LRRC4C: variants seen among roughly 807,000 people sequenced by gnomAD.
LRRC4C encodes the protein leucine rich repeat containing 4C, also known as leucine-rich repeat-containing protein 4C.
A neutral mutation model predicts 33.6 loss-of-function variants in LRRC4C; 5 were observed. The ratio of observed to expected loss-of-function variants is 0.15; its 90% CI spans 0.08 to 0.31. LRRC4C has a LOEUF of 0.31. LRRC4C is among the 10% of genes least tolerant of loss of function. The pLI, the probability that LRRC4C is intolerant of heterozygous loss-of-function variation, is 1.00. For missense variants in LRRC4C, 560 were observed against 796.7 expected, an observed-to-expected ratio of 0.70 and a Z score of 3.58; for synonymous variants, 329 against 302.0, an observed-to-expected ratio of 1.09 and a Z score of -0.93.
intron 3 of LRRC4C, among the ~76,000 whole-genome samples, chr11:40,455,939 C>T (rs762240079): frequency 2.0e-4 from 30 of 152,144 alleles, no homozygotes; most frequent in East Asian, 5.8e-4. Context: ...GATTGATACA[C>T]GGTAAATGTT....
intron 2 of LRRC4C, among the ~76,000 whole-genome samples, chr11:40,746,138 A>T (rs1948405813): frequency 6.6e-6 from 1 of 152,168 alleles, no homozygotes; most frequent in Admixed American, 6.5e-5. Context: ...CAACACAGGG[A>T]AAGGCTAAGC....
At chr11:40,309,663 G>A (rs1275769416) in intron 4 of LRRC4C, among the ~76,000 whole-genome samples, 1 of 151,818 alleles carries the variant, frequency 6.6e-6, no homozygotes, top group Non-Finnish European at 1.5e-5. Context: ...GCTTTACCAC[G>A]CCCAGCTAAT....
intron 3 of LRRC4C, among the ~76,000 whole-genome samples, chr11:40,346,955 A>G (rs1947163482): frequency 6.6e-6 from 1 of 152,226 alleles, no homozygotes; most frequent in Non-Finnish European, 1.5e-5. Flanking sequence ...TAAGGGTCCT[A>G]GGATCTGCAG....
At chr11:41,399,026 A>G (rs1953927771) in intron 1 of LRRC4C, among the ~76,000 whole-genome samples, 1 of 151,918 alleles carries the variant, frequency 6.6e-6, no homozygotes, top group Admixed American at 6.6e-5. Flanking sequence ...AGAAAATAAG[A>G]TTTACAATAC....
At chr11:40,506,525 A>G (rs1227356795) in intron 3 of LRRC4C, among the ~76,000 whole-genome samples, 1 of 152,104 alleles carries the variant, frequency 6.6e-6, no homozygotes, top group Non-Finnish European at 1.5e-5. Context: ...AATCTAAACT[A>G]TTTATCTATT....
At chr11:41,174,608 C>G (rs1457521208) in intron 1 of LRRC4C, among the ~76,000 whole-genome samples, 3 of 151,948 alleles carry the variant, frequency 2.0e-5, no homozygotes, top group Non-Finnish European at 2.9e-5. Flanking sequence ...AATTTTCTGT[C>G]ATCATGTATT....
At chr11:41,311,506 C>G (rs149263427) in intron 1 of LRRC4C, among the ~76,000 whole-genome samples, 1 of 152,130 alleles carries the variant, frequency 6.6e-6, no homozygotes, top group African/African-American at 2.4e-5. Flanking sequence ...CTAACTTCCT[C>G]TACTGTATTT....
intron 3 of LRRC4C, among the ~76,000 whole-genome samples, chr11:40,388,957 C>T (rs953969401): frequency 3.3e-5 from 5 of 152,036 alleles, no homozygotes; most frequent in African/African-American, 7.2e-5. Context: ...ATATTAGTCA[C>T]GTGTTCACTT....
chr11:40,421,393 G>A (rs1950518766), intron 3 of LRRC4C, among the ~76,000 whole-genome samples: 2 of 152,196 alleles, frequency 1.3e-5, no homozygotes, highest in South Asian at 2.1e-4. Context: ...ACAGCTGTCT[G>A]GTGGCCTTTG....
intron 4 of LRRC4C, among the ~76,000 whole-genome samples, chr11:40,274,390 A>T (rs74977038): frequency 0.042 from 6,264 of 148,508 alleles, 188 homozygotes; most frequent in Non-Finnish European, 0.057. Context: ...CTAGTATGAA[A>T]TTAAGTGCTT....
Position 41,256,009 on chromosome 11 carries a change from A to G in LRRC4C, c.-496+203422T>C, listed in dbSNP as rs185598985. On this transcript the variant is annotated intron_variant, in intron 1 of 6. Transcript: ENST00000528697. The stretch of plus-strand genomic sequence containing the variant: ...AACAAAAGGGCAACTTCTTTGGAGT[A>G]TCTGTAACAAGAAGGAAACATTTTT... Among the ~76,000 whole-genome samples, 10 of 152,192 alleles carry G rather than the reference A, an allele frequency of 6.6e-5. No individual in the cohort carries two copies. The South Asian group carries it at 1.4e-3, about 22-fold the overall frequency.
intron 5 of LRRC4C, among the ~76,000 whole-genome samples, chr11:40,155,355 G>C (rs1307587756): frequency 2.0e-5 from 3 of 151,744 alleles, no homozygotes; most frequent in Non-Finnish European, 2.9e-5. Flanking sequence ...GAAAAACCAA[G>C]ATGAGAGCAG....
intron 1 of LRRC4C, among the ~76,000 whole-genome samples, chr11:40,991,865 G>C (rs1437321081): frequency 6.6e-6 from 1 of 152,124 alleles, no homozygotes; most frequent in Non-Finnish European, 1.5e-5. Flanking sequence ...TGCTCTGCTT[G>C]CTTGCCTGCT....
At chr11:41,320,906 C>T (rs1209672887) in intron 1 of LRRC4C, among the ~76,000 whole-genome samples, 1 of 152,184 alleles carries the variant, frequency 6.6e-6, no homozygotes, top group Non-Finnish European at 1.5e-5. Flanking sequence ...ATGAAGTCAT[C>T]TGTTCCAGGC....
intron 3 of LRRC4C, among the ~76,000 whole-genome samples, chr11:40,585,466 TTTG>T (rs1026747972): frequency 5.6e-5 from 8 of 142,804 alleles, no homozygotes; most frequent in Admixed American, 3.6e-4. Context: ...GAAATTTGAA[TTTG>T]TTATTTCTTT....
At chr11:40,890,091 G>A (rs898062519) in intron 2 of LRRC4C, among the ~76,000 whole-genome samples, 5 of 152,274 alleles carry the variant, frequency 3.3e-5, no homozygotes, top group South Asian at 2.1e-4. Flanking sequence ...TTTCAGGAAA[G>A]CCTTAGTCAC....
At chr11:40,657,526 A>C (rs1390505642) in intron 2 of LRRC4C, among the ~76,000 whole-genome samples, 1 of 152,196 alleles carries the variant, frequency 6.6e-6, no homozygotes, top group African/African-American at 2.4e-5. Context: ...AGATAAATGC[A>C]TATCTAGTTG....
chr11:41,441,020 G>A (rs1057433983), intron 1 of LRRC4C, among the ~76,000 whole-genome samples: 1 of 152,112 alleles, frequency 6.6e-6, no homozygotes, highest in African/African-American at 2.4e-5. Context: ...GAAGAGCCAA[G>A]CCAGTCTTCT....
At chr11:41,123,731 C>T (rs917123235) in intron 1 of LRRC4C, among the ~76,000 whole-genome samples, 3 of 152,178 alleles carry the variant, frequency 2.0e-5, no homozygotes, top group Admixed American at 6.5e-5. Context: ...ACCCTGGAAT[C>T]ACTCCAGATT....
Sources: allele counts gnomAD v4.1 joint callset (sites outside exome capture counted in the v4.1 genomes callset), GRCh38; gene constraint gnomAD v4.1.1; transcripts MANE v1.5; gene names NCBI Gene and HGNC (gene_info 2026-07-23, HGNC 2026-07-21).